The following SLC27A1 variants were observed in gnomAD, a reference collection of about 807,000 sequenced individuals.
SLC27A1 encodes solute carrier family 27 member 1, also known as long-chain fatty acid transport protein 1.
A neutral mutation model predicts 62.2 loss-of-function variants in SLC27A1; 61 were observed. The observed-to-expected ratio is 0.98, with a 90% CI of 0.80 to 1.21. SLC27A1 has a LOEUF of 1.21. Among genes scored for constraint, SLC27A1 ranks in the 50% most tolerant of loss-of-function variants. SLC27A1 has a pLI of 0.00. For missense variants in SLC27A1, 903 were observed against 932.1 expected (o/e 0.97, Z 0.41); for synonymous variants, 435 against 408.6 (o/e 1.06, Z -0.78).
intron 1 of SLC27A1, among the ~76,000 whole-genome samples, chr19:17,482,731 G>T (rs1034575652): frequency 1.3e-5 from 2 of 151,520 alleles, no homozygotes; most frequent in African/African-American, 4.8e-5. Flanking sequence ...GTCTTGGCTA[G>T]TGTGGGCTTT....
intron 1 of SLC27A1, among the ~76,000 whole-genome samples, chr19:17,478,749 CAG>C (rs1233566230): frequency 1.3e-4 from 19 of 151,412 alleles, no homozygotes; most frequent in African/African-American, 1.9e-4. Context: ...CCCAGCTACT[CAG>C]GGGGCTGAGG....
At chr19:17,480,237 G>C (rs1003811980) in intron 1 of SLC27A1, among the ~76,000 whole-genome samples, 3 of 148,090 alleles carry the variant, frequency 2.0e-5, no homozygotes, top group Admixed American at 6.8e-5. Context: ...CATGTTGGCC[G>C]GGCTGGTCTC....
chr19:17,491,360 G>A (rs2075292565), intron 6 of SLC27A1, among the ~76,000 whole-genome samples: 1 of 149,996 alleles, frequency 6.7e-6, no homozygotes, highest in Admixed American at 6.7e-5. Context: ...TCTGCTTCCT[G>A]CCTCTATGAT....
chr19:17,471,391 T>A (rs932154614), intron 1 of SLC27A1, among the ~76,000 whole-genome samples: 39 of 151,758 alleles, frequency 2.6e-4, no homozygotes, highest in African/African-American at 7.5e-4. Flanking sequence ...CCAGGACTTG[T>A]TTGGGGGGTC....
intron 11 of SLC27A1, among the ~76,000 whole-genome samples, chr19:17,504,194 A>T (rs941400891): frequency 2.6e-5 from 4 of 152,164 alleles, no homozygotes; most frequent in Non-Finnish European, 5.9e-5. Flanking sequence ...CCTGCCTGTC[A>T]TGTGGGGAAT....
chr19:17,487,646 G>A (rs62126784), intron 4 of SLC27A1, 117 bp downstream of exon 4: 178,773 of 1,035,308 alleles, frequency 0.17, 16,575 homozygotes, highest in Non-Finnish European at 0.19. Context: ...GGGACAGAGA[G>A]GGCAGCTGGT....
intron 6 of SLC27A1, among the ~76,000 whole-genome samples, chr19:17,494,282 C>G (rs1047737770): frequency 1.3e-5 from 2 of 151,834 alleles, no homozygotes; most frequent in Non-Finnish European, 2.9e-5. Flanking sequence ...CTCGGCCTCC[C>G]AAAGTGCTGG....
intron 1 of SLC27A1, among the ~76,000 whole-genome samples, chr19:17,478,682 A>G (rs1026659673): frequency 6.7e-6 from 1 of 149,444 alleles, no homozygotes; most frequent in Non-Finnish European, 1.5e-5. Context: ...ACATGGCGAA[A>G]CCCCATCTCT....
intron 4 of SLC27A1, among the ~76,000 whole-genome samples, chr19:17,487,811 G>A (rs1305414729): frequency 6.6e-6 from 1 of 151,980 alleles, no homozygotes; most frequent in African/African-American, 2.4e-5. Context: ...ACTACTCTGG[G>A]GCCCCTCTCA....
intron 6 of SLC27A1, 48 bp downstream of exon 6, chr19:17,489,165 C>A (rs1276471252): frequency 4.7e-6 from 7 of 1,504,170 alleles, no homozygotes; most frequent in South Asian, 1.2e-5. Flanking sequence ...CCCAGCCAGG[C>A]CTCACCCCCT....
chr19:17,488,578 G>A (rs1344203507), intron 4 of SLC27A1, among the ~76,000 whole-genome samples: 1 of 152,050 alleles, frequency 6.6e-6, no homozygotes, highest in Non-Finnish European at 1.5e-5. Flanking sequence ...GCTAGGTCTC[G>A]GATCACACTT....
In SLC27A1 at chr19:17,501,256, T is replaced by C; in HGVS notation, c.1637-17T>C. 1 of 1,611,630 alleles carries C rather than the reference T, an allele frequency of 6.2e-7. No individual in the cohort carries two copies. On this transcript the variant is annotated splice_polypyrimidine_tract_variant and intron_variant, in intron 10 of 11. Transcript: ENST00000252595. ...GGATGAGAGGCGGGGTGTCCTCAGC[T>C]GAGCCTCTGCCTCCAGGAGTGGAGG...
Position 17,505,782 on chromosome 19 carries a change from G to A in SLC27A1, c.*1170G>A, listed in dbSNP as rs1282873009. 1 of 152,464 alleles carries A rather than the reference G, an allele frequency of 6.6e-6. No individual in the cohort carries two copies. 9.4% of individuals were successfully genotyped at this position (152,464 alleles called of 1,614,324 possible). ...AGGGTCCCACAGGAGAGGCAGCAGA[G>A]GGGTCAGGGGAGGTCTCCTGCCGGG... On this transcript the variant is annotated 3_prime_UTR_variant, in exon 12 of 12. Coordinates refer to ENST00000252595, the MANE Select transcript of SLC27A1 (RefSeq NM_198580.3).
Position 17,500,815 on chromosome 19 carries a change from G to A in SLC27A1, c.1575G>A (p.Glu525=), listed in dbSNP as rs2075403569. Residue 525 remains glutamate, a synonymous_variant, in exon 10 of 12, where the codon GAG becomes GAA. Coordinates refer to ENST00000252595, the MANE Select transcript of SLC27A1 (RefSeq NM_198580.3). ...RGENVSTTEV[E]GVLSRLLGQT... ...AGAACGTCTCCACCACCGAGGTGGA[G>A]GGCGTGCTGAGCCGCCTGCTGGGCC... is the stretch of plus-strand genomic sequence containing the variant. 6.2e-7 allele frequency: 1 copy of A among 1,611,728 alleles called. No individual in the cohort carries two copies. The highest frequency in any genetic ancestry group is 1.1e-5 in the South Asian group (1 of 90,934).
chr19:17,501,441 AT>A, intron 11 of SLC27A1, 22 bp downstream of exon 11: 1 of 1,605,236 alleles, frequency 6.2e-7, no homozygotes, highest in Non-Finnish European at 8.5e-7. Flanking sequence ...CCCCACTCCA[AT>A]CTCTCTCTTC....
Position 17,500,818 on chromosome 19 carries a change from C to T in SLC27A1, c.1578C>T (p.Gly526=), listed in dbSNP as rs758095677. The part of the protein sequence containing the change: ...GENVSTTEVE[G]VLSRLLGQTD... ...ACGTCTCCACCACCGAGGTGGAGGG[C>T]GTGCTGAGCCGCCTGCTGGGCCAGA... The change falls in exon 10 of 12, where the codon GGC becomes GGT. Residue 526 remains glycine, a synonymous_variant. Transcript: ENST00000252595. 3.8e-5 allele frequency: 62 copies of T among 1,610,844 alleles called. No homozygotes were observed. The highest frequency in any genetic ancestry group is 1.7e-4 in the Middle Eastern group (1 of 6,010).
intron 7 of SLC27A1, chr19:17,499,968 G>A (rs1471590375): frequency 5.4e-6 from 2 of 372,510 alleles, no homozygotes; most frequent in African/African-American, 2.1e-5. Context: ...AAGCTCTGCA[G>A]TGTCTGACGT....
rs752983059 is a variant in SLC27A1 at position 17,500,800 on chromosome 19, C to T, written c.1560C>T (p.Ser520=). The T allele has an allele frequency of 3.1e-5, 50 of 1,612,490 alleles. No individual in the cohort carries two copies. The highest frequency in any genetic ancestry group is 4.2e-5 in the Non-Finnish European group (49 of 1,179,626). The part of the protein sequence containing the change: ...DTFRWRGENV[S]TTEVEGVLSR... The stretch of plus-strand genomic sequence containing the variant: ...TCCGCTGGCGAGGGGAGAACGTCTC[C>T]ACCACCGAGGTGGAGGGCGTGCTGA... The change falls in exon 10 of 12, where the codon TCC becomes TCT. Residue 520 remains serine, a synonymous_variant. Coordinates refer to ENST00000252595, the MANE Select transcript of SLC27A1 (RefSeq NM_198580.3).
chr19:17,488,810 C>G, intron 4 of SLC27A1, 38 bp from the exon 5 acceptor site: 1 of 1,587,448 alleles, frequency 6.3e-7, no homozygotes, highest in Non-Finnish European at 8.6e-7. Context: ...GGATTTAGGT[C>G]CCAGCCTCTG....
Sources: gnomAD v4.1 joint callset for allele counts (sites outside exome capture counted in the v4.1 genomes callset) on GRCh38, gnomAD v4.1.1 for gene constraint, MANE v1.5 for transcripts, NCBI Gene and HGNC (gene_info 2026-07-23, HGNC 2026-07-21) for gene names.